The following CELF1 variants were observed in gnomAD, a reference collection of about 807,000 sequenced individuals.
CELF1 encodes the protein CUGBP Elav-like family member 1, also known as 50 kDa nuclear polyadenylated RNA-binding protein.
In CELF1, 10 loss-of-function variants were observed where a neutral mutation model predicts 61.8. That is an observed-to-expected ratio of 0.16 (90% confidence interval 0.10 to 0.27). The LOEUF (loss-of-function observed/expected upper bound fraction) is 0.27, where lower values mean the gene tolerates loss of function less well. CELF1 is among the 10% of genes least tolerant of loss of function. The pLI is 1.00. For synonymous variants in CELF1, 236 were observed against 225.1 expected (o/e 1.05, Z -0.43); for missense variants, 380 against 639.1 (o/e 0.59, Z 4.37).
intron 3 of CELF1, among the ~76,000 whole-genome samples, chr11:47,489,797 TCTC>T (rs528776205): frequency 3.3e-5 from 5 of 152,248 alleles, no homozygotes; most frequent in East Asian, 3.9e-4. Flanking sequence ...TACTTGTAAT[TCTC>T]CTATTTCAGT....
At chr11:47,529,890 A>G (rs2096405998) in intron 1 of CELF1, among the ~76,000 whole-genome samples, 1 of 152,156 alleles carries the variant, frequency 6.6e-6, no homozygotes, top group Non-Finnish European at 1.5e-5. Context: ...AAGGGGACTG[A>G]TAACAGGTAG....
upstream of CELF1, chr11:47,557,524 C>CTTTTTTTTTTTTT (rs1299819327): frequency 2.3e-3 from 7 of 3,026 alleles, no homozygotes; most frequent in African/African-American, 9.4e-3. Context: ...GCCTATTTTT[C>CTTTTTTTTTTTTT]TTTTTTTTTT....
upstream of CELF1, among the ~76,000 whole-genome samples, chr11:47,554,443 G>A (rs2097197433): frequency 6.6e-6 from 1 of 152,114 alleles, no homozygotes; most frequent in Non-Finnish European, 1.5e-5. Context: ...CAAGCAGAGA[G>A]TCTGTCTCCT....
At chr11:47,547,286 T>C (rs1463089992) in intron 1 of CELF1, among the ~76,000 whole-genome samples, 1 of 151,994 alleles carries the variant, frequency 6.6e-6, no homozygotes, top group Non-Finnish European at 1.5e-5. Context: ...AGAGCATGAA[T>C]TGTAATCAAT....
At chr11:47,511,195 C>T (rs960106611) in intron 1 of CELF1, among the ~76,000 whole-genome samples, 1 of 151,866 alleles carries the variant, frequency 6.6e-6, no homozygotes, top group Non-Finnish European at 1.5e-5. Flanking sequence ...AAAACCAAAA[C>T]AAAAAAATAA....
intron 1 of CELF1, among the ~76,000 whole-genome samples, chr11:47,550,287 T>C (rs1315813385): frequency 2.0e-5 from 3 of 151,630 alleles, no homozygotes; most frequent in Non-Finnish European, 2.9e-5. Flanking sequence ...TCCTAGTACT[T>C]TGGGAGGCTG....
intron 2 of CELF1, among the ~76,000 whole-genome samples, chr11:47,564,007 A>AAAACAAAC (rs555892623): frequency 1.3e-5 from 2 of 150,878 alleles, no homozygotes; most frequent in African/African-American, 4.9e-5. Flanking sequence ...CTCTATCTTA[A>AAAACAAAC]AAACAAACAA....
rs561531761 is a variant in CELF1, at chr11:47,537,918, C to CT, written c.-154+15073dup. On this transcript the variant is annotated intron_variant, in intron 1 of 14. Coordinates refer to ENST00000687097, the MANE Select transcript of CELF1 (RefSeq NM_001376376.1). ...CATTTTGTTTTCTTTTTTTTCTTTT[C>CT]TTTTTTTTTTTTTAAAGAAAGGTGT... Among the ~76,000 whole-genome samples the CT allele has an allele frequency of 9.4e-3, 1,341 of 142,596 alleles. 9 individuals are homozygous for CT. Among genetic ancestry groups the CT allele is most frequent in the Middle Eastern group, 0.018 (5 of 272 alleles). The allele number at this position is 142,596 out of a possible 152,430, so 93.5% of individuals were successfully genotyped here.
At chr11:47,553,342 C>T (rs2097188997), upstream of CELF1, among the ~76,000 whole-genome samples, 1 of 152,132 alleles carries the variant, frequency 6.6e-6, no homozygotes, top group Non-Finnish European at 1.5e-5. Flanking sequence ...CCTGGGGCCG[C>T]GGGCGGAGCC....
chr11:47,543,273 C>T (rs1193586186), intron 1 of CELF1, among the ~76,000 whole-genome samples: 2 of 152,074 alleles, frequency 1.3e-5, no homozygotes, highest in Non-Finnish European at 2.9e-5. Flanking sequence ...TGGTGTTGCG[C>T]ACCTATAGTC....
intron 1 of CELF1, among the ~76,000 whole-genome samples, chr11:47,534,171 G>T (rs1018859488): frequency 6.6e-6 from 1 of 151,160 alleles, no homozygotes; most frequent in Non-Finnish European, 1.5e-5. Flanking sequence ...TGAGATTACA[G>T]GCGCCTGCCA....
intron 1 of CELF1, among the ~76,000 whole-genome samples, chr11:47,527,990 G>A (rs546777830): frequency 2.6e-4 from 39 of 152,200 alleles, no homozygotes; most frequent in African/African-American, 6.3e-4. Context: ...CAGCTACTCC[G>A]GAGGCTGAGA....
At chr11:47,560,555 G>A (rs1312162933) in intron 2 of CELF1, among the ~76,000 whole-genome samples, 5 of 152,136 alleles carry the variant, frequency 3.3e-5, no homozygotes, top group African/African-American at 7.2e-5. Context: ...ACAGAAAGTC[G>A]ATTCGTGGTT....
intron 4 of CELF1, 140 bp from the exon 5 acceptor site, chr11:47,487,381 G>C (rs977246668): frequency 1.6e-6 from 1 of 607,018 alleles, no homozygotes; most frequent in Non-Finnish European, 2.9e-6. Context: ...TAGTGGAAAA[G>C]AACGAATAGA....
chr11:47,536,156 G>A (rs865914559), intron 1 of CELF1, among the ~76,000 whole-genome samples: 4 of 152,086 alleles, frequency 2.6e-5, no homozygotes, highest in Non-Finnish European at 5.9e-5. Context: ...ATCACTTGAG[G>A]CCAAGAGTTT....
At chr11:47,497,488 T>C (rs2093334685) in intron 3 of CELF1, among the ~76,000 whole-genome samples, 1 of 152,264 alleles carries the variant, frequency 6.6e-6, no homozygotes, top group African/African-American at 2.4e-5. Context: ...GGCCCAACAC[T>C]GATTACTATT....
At chr11:47,503,285 C>G (rs2094149876) in intron 1 of CELF1, among the ~76,000 whole-genome samples, 1 of 152,064 alleles carries the variant, frequency 6.6e-6, no homozygotes, top group Admixed American at 6.6e-5. Context: ...GTATGTTTTG[C>G]CAAAAGGATG....
intron 10 of CELF1, 118 bp downstream of exon 10, chr11:47,478,759 G>A (rs1565756231): frequency 3.9e-6 from 3 of 777,804 alleles, no homozygotes; most frequent in Non-Finnish European, 6.4e-6. Context: ...CCTAGGTCAG[G>A]TTTACATAAT....
intron 10 of CELF1, among the ~76,000 whole-genome samples, chr11:47,478,256 A>T (rs1239796530): frequency 6.6e-6 from 1 of 152,276 alleles, no homozygotes; most frequent in Non-Finnish European, 1.5e-5. Flanking sequence ...TCTCAAATGC[A>T]CATTTGGCCT....
Sources: allele counts gnomAD v4.1 joint callset (sites outside exome capture counted in the v4.1 genomes callset), GRCh38; gene constraint gnomAD v4.1.1; transcripts MANE v1.5; gene names NCBI Gene and HGNC (gene_info 2026-07-23, HGNC 2026-07-21).